Variants in CCNYL1 observed in about 807,000 individuals in gnomAD.
CCNYL1 encodes the protein cyclin-Y-like protein 1.
CCNYL1 carries 16 observed loss-of-function variants against 44.2 expected under a neutral mutation model. The ratio of observed to expected loss-of-function variants is 0.36; its 90% confidence interval spans 0.25 to 0.55. CCNYL1 has a LOEUF of 0.55. CCNYL1 is among the 20% of genes least tolerant of loss of function. The probability of loss-of-function intolerance (pLI) is 0.85; values close to 1 mark genes in which losing one functional copy is unlikely to be tolerated. For synonymous variants in CCNYL1, 159 were observed against 163.2 expected (o/e 0.97, Z 0.20); for missense variants, 348 against 451.8 (o/e 0.77, Z 2.08).
chr2:207,731,456 C>T (rs1485124949), intron 3 of CCNYL1, among the ~76,000 whole-genome samples: 3 of 152,008 alleles, frequency 2.0e-5, no homozygotes, highest in Admixed American at 6.6e-5. Context: ...TTCTTTGTCC[C>T]TATTTTGTGA....
chr2:207,749,267 T>C (rs2091875770), intron 8 of CCNYL1, among the ~76,000 whole-genome samples: 1 of 152,260 alleles, frequency 6.6e-6, no homozygotes, highest in African/African-American at 2.4e-5. Context: ...CTGTTTAATA[T>C]ACATTTGTCT....
chr2:207,750,905 C>T, intron 8 of CCNYL1, 52 bp from the exon 9 acceptor site: 1 of 1,500,404 alleles, frequency 6.7e-7, no homozygotes, highest in Non-Finnish European at 9.2e-7. Flanking sequence ...GAAGATAGCC[C>T]AGTTGACTGA....
At chr2:207,736,205 A>C (rs2091763398) in intron 4 of CCNYL1, among the ~76,000 whole-genome samples, 1 of 152,258 alleles carries the variant, frequency 6.6e-6, no homozygotes, top group Non-Finnish European at 1.5e-5. Context: ...TTTGGACATG[A>C]AAATGTTTGA....
At chr2:207,714,923 T>C (rs1157318348) in intron 1 of CCNYL1, 1 of 152,304 alleles carries the variant, frequency 6.6e-6, no homozygotes, top group Non-Finnish European at 1.5e-5. Flanking sequence ...TTAATATCTT[T>C]ATTTCAGACA....
chr2:207,724,332 T>G (rs1313360789), intron 1 of CCNYL1, among the ~76,000 whole-genome samples: 1 of 152,272 alleles, frequency 6.6e-6, no homozygotes, highest in East Asian at 1.9e-4. Context: ...ATTAGCCGTT[T>G]AATTGTCTAA....
chr2:207,738,820 A>G (rs1440444007), intron 5 of CCNYL1, among the ~76,000 whole-genome samples: 2 of 152,012 alleles, frequency 1.3e-5, no homozygotes, highest in East Asian at 1.9e-4. Context: ...CCCGGGTTCA[A>G]GCGATTCTCC....
chr2:207,714,336 T>C (rs1184138900), intron 1 of CCNYL1: 2 of 405,360 alleles, frequency 4.9e-6, no homozygotes, highest in Non-Finnish European at 9.3e-6. Context: ...TTTTTTTTTT[T>C]TTAAGAGAAA....
intron 4 of CCNYL1, among the ~76,000 whole-genome samples, chr2:207,735,879 CAAAA>C (rs770210983): frequency 5.3e-5 from 8 of 151,598 alleles, no homozygotes; most frequent in Non-Finnish European, 1.0e-4. Flanking sequence ...AAAAACAAAA[CAAAA>C]CACACAAAAA....
intron 7 of CCNYL1, among the ~76,000 whole-genome samples, chr2:207,743,588 AAAAAG>A (rs1231833090): frequency 6.6e-6 from 1 of 152,150 alleles, no homozygotes; most frequent in African/African-American, 2.4e-5. Context: ...CCATCTCTAA[AAAAAG>A]AAAAGAAAGT....
rs145770272 is a variant in CCNYL1, at chr2:207,726,845, G to A, written c.299G>A (p.Arg100Gln). The change falls in exon 3 of 10, where the codon CGA (arginine) becomes CAA (glutamine). Residue 100 changes from arginine (R) to glutamine (Q), a missense_variant. Transcript: ENST00000295414. ...IFLSKSQTDV[R>Q]EKRKSNHLNH... ...AGCTAATTTTTTTTATTCTTAGTGCGAGAAAAGAGGAAGAGCAACCATTTG... is the reference window on the plus strand; with the variant it reads ...AGCTAATTTTTTTTATTCTTAGTGCAAGAAAAGAGGAAGAGCAACCATTTG... The A allele has an allele frequency of 2.6e-6, 4 of 1,565,376 alleles. No individual in the cohort carries two copies. Among genetic ancestry groups the A allele is most frequent in the Non-Finnish European group, 2.6e-6 (3 of 1,161,628 alleles).
chr2:207,737,567 G>C, intron 5 of CCNYL1, 121 bp downstream of exon 5: 1 of 695,100 alleles, frequency 1.4e-6, no homozygotes, highest in Non-Finnish European at 2.3e-6. Context: ...GTATTGAACT[G>C]AATCATTTGT....
chr2:207,728,308 C>T (rs1435411782), intron 3 of CCNYL1, among the ~76,000 whole-genome samples: 1 of 147,228 alleles, frequency 6.8e-6, no homozygotes, highest in East Asian at 2.1e-4. Context: ...CAGGGTCTCA[C>T]TCTGTTGCCC....
chr2:207,712,412 C>G (rs1053874860), intron 1 of CCNYL1, among the ~76,000 whole-genome samples: 3 of 152,208 alleles, frequency 2.0e-5, no homozygotes, highest in African/African-American at 7.2e-5. Context: ...TGTTCATTGT[C>G]TGGTGGGACT....
chr2:207,730,327 G>C (rs1170807964), intron 3 of CCNYL1, among the ~76,000 whole-genome samples: 1 of 152,160 alleles, frequency 6.6e-6, no homozygotes, highest in Non-Finnish European at 1.5e-5. Flanking sequence ...ATGTGCCTCT[G>C]AGTTTGAAGT....
intron 1 of CCNYL1, among the ~76,000 whole-genome samples, chr2:207,719,603 T>C (rs1476954355): frequency 6.6e-6 from 1 of 152,198 alleles, no homozygotes; most frequent in Non-Finnish European, 1.5e-5. Context: ...GCCCGGCTTA[T>C]AGCAATTGCT....
chr2:207,753,208 T>C (rs2091907388), intron 9 of CCNYL1, among the ~76,000 whole-genome samples: 1 of 152,144 alleles, frequency 6.6e-6, no homozygotes, highest in African/African-American at 2.4e-5. Context: ...TGGGTAGAAT[T>C]TGAATAGCTG....
rs2091710199 is a variant in CCNYL1, at chr2:207,729,651, C to CTCCTTTCCTTTCCTTTCCTCCT, written c.330+2784_330+2805dup. Among the ~76,000 whole-genome samples, 8 of 151,940 alleles carry CTCCTTTCCTTTCCTTTCCTCCT rather than the reference C, an allele frequency of 5.3e-5. No homozygotes were observed. The South Asian group carries it at 1.7e-3, about 32-fold the overall frequency. ...TTGTCTTTTCTCTCTTCTTTTTTAT[C>CTCCTTTCCTTTCCTTTCCTCCT]TCCTTTCCTTTCCTTTCCTCCTTCC... On this transcript the variant is annotated intron_variant, in intron 3 of 9. Transcript: ENST00000295414.
At chr2:207,749,385 T>C (rs2091876550) in intron 8 of CCNYL1, among the ~76,000 whole-genome samples, 1 of 152,220 alleles carries the variant, frequency 6.6e-6, no homozygotes, top group Admixed American at 6.5e-5. Flanking sequence ...AACAGCTACA[T>C]GTCCTGTTAG....
intron 4 of CCNYL1, among the ~76,000 whole-genome samples, chr2:207,734,976 G>A (rs1398276843): frequency 6.6e-6 from 1 of 152,100 alleles, no homozygotes; most frequent in African/African-American, 2.4e-5. Context: ...ATTCAGCCAA[G>A]GTCCTAAATC....
Sources: gnomAD v4.1 joint callset for allele counts (sites outside exome capture counted in the v4.1 genomes callset) on GRCh38, gnomAD v4.1.1 for gene constraint, MANE v1.5 for transcripts, NCBI Gene and HGNC (gene_info 2026-07-23, HGNC 2026-07-21) for gene names.